SPP2: variants seen among roughly 807,000 people sequenced by gnomAD.
SPP2 encodes the protein secreted phosphoprotein 24.
In SPP2, 34 loss-of-function variants were observed where a neutral mutation model predicts 28.8. That is an observed-to-expected ratio of 1.18 (90% CI 0.90 to 1.57). The LOEUF is 1.57. SPP2 is among the 40% of genes most tolerant of loss of function. SPP2 has a pLI of 0.00. For synonymous variants in SPP2, 96 were observed against 89.4 expected, an observed-to-expected ratio of 1.07 and a Z score of -0.42; for missense variants, 269 against 263.9, an observed-to-expected ratio of 1.02 and a Z score of -0.13.
intron 5 of SPP2, 59 bp downstream of exon 5, chr2:234,066,646 CTTTG>C (rs1693828283): frequency 8.0e-7 from 1 of 1,253,272 alleles, no homozygotes; most frequent in Non-Finnish European, 1.1e-6. Flanking sequence ...TATTGCAACT[CTTTG>C]TTAGTGAGTC....
At position 234,072,474 on chromosome 2, in the gene SPP2, T is replaced by G. The variant is rs533342106; in HGVS notation, c.*10+2451T>G. 3.3e-5 allele frequency among the ~76,000 whole-genome samples: 5 copies of G among 152,330 alleles called. No individual in the cohort carries two copies. The East Asian group carries it at 9.6e-4, about 29-fold the overall frequency. ...AATGGATTGGCTGTATTTTGTTTATTAGTAATATGATAACGTTGGATGTGT... is the reference window on the plus strand; with the variant it reads ...AATGGATTGGCTGTATTTTGTTTATGAGTAATATGATAACGTTGGATGTGT... On this transcript the variant is annotated intron_variant, in intron 7 of 7. Coordinates refer to ENST00000168148, the MANE Select transcript of SPP2 (RefSeq NM_006944.3).
intron 7 of SPP2, among the ~76,000 whole-genome samples, chr2:234,075,560 G>A (rs770445458): frequency 1.4e-4 from 22 of 152,148 alleles, no homozygotes; most frequent in Non-Finnish European, 2.5e-4. Context: ...TCCCCTCTCA[G>A]GCCAAGACTT....
chr2:234,058,078 T>C (rs1344218187), intron 2 of SPP2, among the ~76,000 whole-genome samples: 1 of 152,208 alleles, frequency 6.6e-6, no homozygotes, highest in Non-Finnish European at 1.5e-5. Context: ...TTTTGTGAGT[T>C]CCTGCTTAAA....
Position 234,058,899 on chromosome 2 carries a change from T to C in SPP2, c.274T>C (p.Cys92Arg), listed in dbSNP as rs763549452. 33 of 1,613,984 alleles carry C rather than the reference T, an allele frequency of 2.0e-5. No homozygotes were observed. The East Asian group carries it at 7.4e-4, about 36-fold the overall frequency. ...NLEFSIRETT[C>R]RKDSGEDPAT... ...AGAGTTCAGCATCCGGGAGACTACA[T>C]GCAGGAAGGATTCTGGAGAAGATCC... The change falls in exon 3 of 8, where the codon TGC (cysteine) becomes CGC (arginine). Residue 92 changes from cysteine to arginine, a missense_variant. Coordinates refer to ENST00000168148, the MANE Select transcript of SPP2 (RefSeq NM_006944.3).
intron 3 of SPP2, among the ~76,000 whole-genome samples, chr2:234,059,331 T>C (rs898403578): frequency 1.3e-5 from 2 of 152,186 alleles, no homozygotes; most frequent in Non-Finnish European, 2.9e-5. Context: ...TCACGTTCTT[T>C]TGCCATTGAC....
intron 6 of SPP2, among the ~76,000 whole-genome samples, chr2:234,068,649 T>C (rs1420230977): frequency 6.6e-6 from 1 of 152,060 alleles, no homozygotes; most frequent in African/African-American, 2.4e-5. Context: ...GCATGACCAC[T>C]GCTGAAACGT....
At chr2:234,066,737 T>C in intron 5 of SPP2, 150 bp downstream of exon 5, 1 of 652,570 alleles carries the variant, frequency 1.5e-6, no homozygotes, top group African/African-American at 1.8e-5. Flanking sequence ...TGTTTTGCTT[T>C]TGCTTATTTT....
chr2:234,068,477 A>T (rs557632037), intron 6 of SPP2, among the ~76,000 whole-genome samples: 50 of 152,336 alleles, frequency 3.3e-4, no homozygotes, highest in Non-Finnish European at 6.2e-4. Flanking sequence ...TGAATAACAG[A>T]GATATTAACA....
intron 3 of SPP2, among the ~76,000 whole-genome samples, chr2:234,059,190 C>T (rs2125456116): frequency 6.6e-6 from 1 of 152,302 alleles, no homozygotes; most frequent in Non-Finnish European, 1.5e-5. Flanking sequence ...CCTGGTGCCT[C>T]AGTTTCCTGC....
At position 234,074,806 on chromosome 2, in the gene SPP2, A is replaced by G. The variant is rs141587554; in HGVS notation, c.*11-2039A>G. On this transcript the variant is annotated intron_variant, in intron 7 of 7. Transcript: ENST00000168148. ...TGTTTCTGTTTAGATGCCGTATTTA[A>G]TAGATACTGTTGACTCATTAACAAT... Among the ~76,000 whole-genome samples the G allele has an allele frequency of 6.1e-3, 933 of 152,260 alleles. 11 individuals carry two copies. The highest frequency in any genetic ancestry group is 0.02 in the African/African-American group (838 of 41,550).
intron 7 of SPP2, among the ~76,000 whole-genome samples, chr2:234,075,572 T>A (rs944521211): frequency 4.6e-5 from 7 of 152,186 alleles, no homozygotes; most frequent in Admixed American, 2.6e-4. Context: ...CCAAGACTTC[T>A]TACTCTTCAC....
chr2:234,052,888 TTG>T (rs770184645), intron 2 of SPP2, among the ~76,000 whole-genome samples: 9 of 152,218 alleles, frequency 5.9e-5, no homozygotes, highest in Non-Finnish European at 1.2e-4. Flanking sequence ...TTGATTTATG[TTG>T]TGTGTATTAA....
intron 4 of SPP2, among the ~76,000 whole-genome samples, chr2:234,062,958 T>C (rs1387343812): frequency 6.6e-6 from 1 of 152,214 alleles, no homozygotes; most frequent in African/African-American, 2.4e-5. Flanking sequence ...ATAAACTCTC[T>C]GATTGCTTCT....
intron 3 of SPP2, among the ~76,000 whole-genome samples, chr2:234,060,099 G>C (rs1693688612): frequency 6.6e-6 from 1 of 152,164 alleles, no homozygotes; most frequent in Admixed American, 6.5e-5. Context: ...AATGAAAATT[G>C]ACTCAGGGCA....
intron 7 of SPP2, among the ~76,000 whole-genome samples, chr2:234,071,883 C>T (rs2125472842): frequency 6.6e-6 from 1 of 152,338 alleles, no homozygotes; most frequent in East Asian, 1.9e-4. Flanking sequence ...GTTGACACCA[C>T]AAACCACCAC....
chr2:234,055,262 G>C (rs1467407036), intron 2 of SPP2, among the ~76,000 whole-genome samples: 1 of 152,246 alleles, frequency 6.6e-6, no homozygotes, highest in Non-Finnish European at 1.5e-5. Context: ...GCAGGCTGGA[G>C]ATTCAGGGAT....
chr2:234,065,526 TG>T (rs1204208892), intron 4 of SPP2, among the ~76,000 whole-genome samples: 12 of 152,224 alleles, frequency 7.9e-5, no homozygotes, highest in Non-Finnish European at 1.6e-4. Context: ...CTAGTCTGCC[TG>T]CCTTGCCTCC....
intron 7 of SPP2, among the ~76,000 whole-genome samples, chr2:234,075,252 G>C (rs1157320063): frequency 6.6e-6 from 1 of 152,172 alleles, no homozygotes. Context: ...CACAAATACA[G>C]CATCTGTGAC....
intron 7 of SPP2, among the ~76,000 whole-genome samples, chr2:234,070,747 C>T (rs1252638895): frequency 1.3e-5 from 2 of 152,184 alleles, no homozygotes; most frequent in East Asian, 3.9e-4. Flanking sequence ...CAGGTGTGAG[C>T]CACCACGCCT....
Sources: allele counts gnomAD v4.1 joint callset (sites outside exome capture counted in the v4.1 genomes callset), GRCh38; gene constraint gnomAD v4.1.1; transcripts MANE v1.5; gene names NCBI Gene and HGNC (gene_info 2026-07-23, HGNC 2026-07-21).